NLRP14: variants seen among roughly 807,000 people sequenced by gnomAD.
NLRP14 encodes the protein NLR family pyrin domain containing 14, also known as NACHT, LRR and PYD domains-containing protein 14.
NLRP14 carries 105 observed loss-of-function variants against 94.7 expected under a neutral mutation model. The ratio of observed to expected loss-of-function variants is 1.11; its 90% CI spans 0.95 to 1.30. The LOEUF (loss-of-function observed/expected upper bound fraction) is 1.30, where lower values mean the gene tolerates loss of function less well. Among genes scored for constraint, NLRP14 ranks in the 50% most tolerant of loss-of-function variants. The probability of loss-of-function intolerance (pLI) is 0.00; values close to 1 mark genes in which losing one functional copy is unlikely to be tolerated. For missense variants in NLRP14, 1,362 were observed against 1,254.1 expected (o/e 1.09, Z -1.30); for synonymous variants, 508 against 459.9 (o/e 1.10, Z -1.34).
At chr11:7,056,945 C>A (rs1169643779) in intron 6 of NLRP14, among the ~76,000 whole-genome samples, 1 of 151,754 alleles carries the variant, frequency 6.6e-6, no homozygotes, top group Non-Finnish European at 1.5e-5. Context: ...CTCTATAGAC[C>A]CTGATTTTGA....
At chr11:7,048,444 A>G (rs1470954300) in intron 5 of NLRP14, among the ~76,000 whole-genome samples, 2 of 152,170 alleles carry the variant, frequency 1.3e-5, no homozygotes, top group Non-Finnish European at 2.9e-5. Context: ...TTTGTTGCTT[A>G]GTATGAACTG....
the NLRP14 span, among the ~76,000 whole-genome samples, chr11:7,081,923 C>T: frequency 6.6e-6 from 1 of 152,158 alleles, no homozygotes; most frequent in East Asian, 1.9e-4. Flanking sequence ...AAATTTCTGA[C>T]CCTCCATTCA....
In NLRP14 at chr11:7,044,338, A is replaced by G. The variant is rs547395991; in HGVS notation, c.1958+354A>G. Among the ~76,000 whole-genome samples, 4 of 152,302 alleles carry G rather than the reference A, an allele frequency of 2.6e-5. No individual in the cohort carries two copies. In the South Asian group the frequency reaches 8.3e-4, roughly 32 times the overall value. On this transcript the variant is annotated intron_variant, in intron 4 of 11. Transcript: ENST00000299481. ...GCACAAACTTGCATCCATGATAATA[A>G]GTATATTTGATTTCTAAAGATAATG...
intron 1 of NLRP14, among the ~76,000 whole-genome samples, chr11:7,033,899 G>GGAAT (rs1393210745): frequency 3.9e-5 from 6 of 152,162 alleles, no homozygotes; most frequent in African/African-American, 1.2e-4. Context: ...GTTTGGGGAA[G>GGAAT]GAATATCATG....
In NLRP14 at chr11:7,042,425, A is replaced by G. The variant is rs1184482856; in HGVS notation, c.399A>G (p.Lys133=). The change falls in exon 4 of 12, where the codon AAA becomes AAG. Residue 133 remains lysine, a synonymous_variant. Transcript: ENST00000299481. ...GTEYRNRIKE[K]FCITWDKKSL... The stretch of plus-strand genomic sequence containing the variant: ...AATACAGAAATAGAATAAAGGAAAA[A>G]TTTTGCATCACTTGGGACAAGAAGT... 6.2e-7 allele frequency: 1 copy of G among 1,613,920 alleles called. No homozygotes were observed. The highest frequency in any genetic ancestry group is 8.5e-7 in the Non-Finnish European group (1 of 1,179,950).
At position 7,039,800 on chromosome 11, in the gene NLRP14, C is replaced by T. The variant is rs1852220230; in HGVS notation, c.361+15C>T. On this transcript the variant is annotated intron_variant, in intron 3 of 11. Coordinates refer to ENST00000299481, the MANE Select transcript of NLRP14 (RefSeq NM_176822.4). Reference sequence around the variant, plus strand: ...GGCAGTGCTGGGTGAGTAGTTAGGCCTTTCATCAGATTTGGGAGGCATTCA... The same window carrying T: ...GGCAGTGCTGGGTGAGTAGTTAGGCTTTTCATCAGATTTGGGAGGCATTCA... The T allele has an allele frequency of 1.2e-6, 2 of 1,600,868 alleles. No homozygotes were observed. Among genetic ancestry groups the T allele is most frequent in the South Asian group, 1.1e-5 (1 of 90,794 alleles).
At chr11:7,067,746 A>G (rs1219940255) in intron 10 of NLRP14, among the ~76,000 whole-genome samples, 3 of 152,178 alleles carry the variant, frequency 2.0e-5, no homozygotes, top group African/African-American at 7.2e-5. Flanking sequence ...TTTGTTCATA[A>G]TGGAGATAGG....
chr11:7,044,438 C>T (rs932098966), intron 4 of NLRP14, among the ~76,000 whole-genome samples: 1 of 152,282 alleles, frequency 6.6e-6, no homozygotes, highest in African/African-American at 2.4e-5. Context: ...TTATATTCCT[C>T]CGTACTCCAC....
intron 1 of NLRP14, among the ~76,000 whole-genome samples, chr11:7,036,880 G>T (rs1364701249): frequency 6.6e-6 from 1 of 152,176 alleles, no homozygotes; most frequent in Non-Finnish European, 1.5e-5. Context: ...TAATGAGTAG[G>T]ACTTAGGGGA....
At chr11:7,078,413 G>A in the NLRP14 span, among the ~76,000 whole-genome samples, 26 of 103,726 alleles carry the variant, frequency 2.5e-4, no homozygotes, top group Non-Finnish European at 3.3e-4. Context: ...ACTCCAGCCT[G>A]GACGAAAGAG....
intron 4 of NLRP14, among the ~76,000 whole-genome samples, chr11:7,044,196 T>G (rs1303703806): frequency 6.6e-6 from 1 of 152,138 alleles, no homozygotes; most frequent in African/African-American, 2.4e-5. Context: ...TGAGATGGCT[T>G]TTTTTGGCCT....
chr11:7,042,723 A>G lies in NLRP14; in HGVS notation c.697A>G (p.Ile233Val), dbSNP rs147189259. The stretch of plus-strand genomic sequence containing the variant: ...GAAAGAGAGAAGCTTTGCTCAATTG[A>G]TATCAAAGGACTGGCCCAGCACAGA... ...QLKERSFAQL[I>V]SKDWPSTEGP... The change falls in exon 4 of 12, where the codon ATA becomes GTA. Residue 233 changes from isoleucine (I) to valine (V), a missense_variant. Transcript: ENST00000299481. 1.2e-6 allele frequency: 2 copies of G among 1,614,220 alleles called. No individual in the cohort carries two copies. Among genetic ancestry groups the G allele is most frequent in the South Asian group, 1.1e-5 (1 of 91,084 alleles).
chr11:7,026,564 A>T (rs1332211667), intron 1 of NLRP14, among the ~76,000 whole-genome samples: 8 of 151,340 alleles, frequency 5.3e-5, no homozygotes, highest in East Asian at 2.0e-4. Flanking sequence ...GGTGGGACTG[A>T]AAACTAGTTC....
At chr11:7,060,113 C>CTCCCCAGACACTCTGT in intron 9 of NLRP14, 49 bp downstream of exon 9, 1 of 1,485,706 alleles carries the variant, frequency 6.7e-7, no homozygotes, top group Non-Finnish European at 9.4e-7. Flanking sequence ...AACAGAGTGT[C>CTCCCCAGACACTCTGT]TGGGGAGATA....
the NLRP14 span, chr11:7,090,446 A>G: frequency 9.0e-7 from 1 of 1,108,980 alleles, no homozygotes; most frequent in Non-Finnish European, 1.3e-6. Flanking sequence ...CTCCATTTTT[A>G]TGCTTTTGGG....
the NLRP14 span, among the ~76,000 whole-genome samples, chr11:7,077,608 G>C: frequency 6.6e-6 from 1 of 152,224 alleles, no homozygotes; most frequent in African/African-American, 2.4e-5. Context: ...AAAAGAAAGA[G>C]GTTTAATGGA....
chr11:7,028,523 A>C (rs1852046260), intron 1 of NLRP14, among the ~76,000 whole-genome samples: 1 of 152,148 alleles, frequency 6.6e-6, no homozygotes, highest in Admixed American at 6.5e-5. Context: ...AACCAGGATG[A>C]TTCTCTTAAA....
intron 6 of NLRP14, among the ~76,000 whole-genome samples, chr11:7,051,334 T>A (rs554025889): frequency 6.6e-5 from 10 of 152,216 alleles, no homozygotes; most frequent in Non-Finnish European, 1.3e-4. Context: ...TTGCTTCATA[T>A]CTCATGTTAT....
In NLRP14 at chr11:7,060,137, T is replaced by C. The variant is rs570063621; in HGVS notation, c.2804+73T>C. Reference sequence around the variant, plus strand: ...TCTGGGGAGATACTGAAAGAAAGGCTGAGAACCGAGCATCTATCAGAGAAA... The same window carrying C: ...TCTGGGGAGATACTGAAAGAAAGGCCGAGAACCGAGCATCTATCAGAGAAA... On this transcript the variant is annotated intron_variant, in intron 9 of 11. Transcript: ENST00000299481. 230 of 1,299,270 alleles carry C rather than the reference T, an allele frequency of 1.8e-4. 1 individual carries two copies. In the African/African-American group the frequency reaches 3.0e-3, roughly 17 times the overall value. 80.5% of individuals were successfully genotyped at this position (1,299,270 alleles called of 1,614,324 possible). A position where few individuals can be genotyped will look rare whatever the true frequency, so the allele number is the denominator to read the frequency against.
Sources: allele counts gnomAD v4.1 joint callset (sites outside exome capture counted in the v4.1 genomes callset), GRCh38; gene constraint gnomAD v4.1.1; transcripts MANE v1.5; gene names NCBI Gene and HGNC (gene_info 2026-07-23, HGNC 2026-07-21).